Variants in DBH observed in about 807,000 individuals in gnomAD.
The protein encoded by DBH is dopamine beta-hydroxylase.
DBH carries 49 observed loss-of-function variants against 64.0 expected under a neutral mutation model. The observed-to-expected ratio is 0.77, with a 90% CI of 0.61 to 0.97. DBH has a LOEUF of 0.97. Ranked by LOEUF, DBH falls within the 50% of genes least tolerant of loss-of-function variation. The pLI, the probability that DBH is intolerant of heterozygous loss-of-function variation, is 0.00. For missense variants in DBH, 828 were observed against 826.6 expected (o/e 1.00, Z -0.02); for synonymous variants, 343 against 347.1 (o/e 0.99, Z 0.13).
At position 133,657,789 on chromosome 9, in the gene DBH, T is replaced by C. The variant is rs897462703; in HGVS notation, c.1723-527T>C. On this transcript the variant is annotated intron_variant, in intron 11 of 11. Transcript: ENST00000393056. ...GGGCTGTGGTCAGGAGGCCAGGGCC[T>C]ATGCAGAGTTAGTCGCGTAAGGTGC... Among the ~76,000 whole-genome samples, 4 of 152,298 alleles carry C rather than the reference T, an allele frequency of 2.6e-5. No individual in the cohort carries two copies. In the East Asian group the frequency reaches 7.7e-4, roughly 29 times the overall value.
intron 8 of DBH, 88 bp from the exon 9 acceptor site, chr9:133,652,850 GCA>G: frequency 1.1e-6 from 1 of 873,560 alleles, no homozygotes; most frequent in Non-Finnish European, 2.0e-6. Flanking sequence ...GCCGTGGCAT[GCA>G]CAGTGGCGTG....
rs780719813 is a variant in DBH, at chr9:133,639,936, A to G, written c.430A>G (p.Thr144Ala). 4 of 1,613,690 alleles carry G rather than the reference A, an allele frequency of 2.5e-6. No individual in the cohort carries two copies. The Admixed American group carries it at 6.7e-5, about 27-fold the overall frequency. Residue 144 changes from threonine (T) to alanine (A), a missense_variant, in exon 2 of 12, where the codon ACC (threonine) becomes GCC (alanine). Thr to Ala is a moderately conservative substitution (Grantham distance 58, BLOSUM62 0). Transcript: ENST00000393056. Reference sequence around the variant, plus strand: ...GGTGCAGAGGACCCCAGAAGGCCTGACCCTGCTTTTCAAGAGGCCCTTTGG... The same window carrying G: ...GGTGCAGAGGACCCCAGAAGGCCTGGCCCTGCTTTTCAAGAGGCCCTTTGG... ...LQVQRTPEGL[T>A]LLFKRPFGTC...
chr9:133,646,357 G>C (rs1832181365), intron 5 of DBH, among the ~76,000 whole-genome samples: 1 of 152,006 alleles, frequency 6.6e-6, no homozygotes, highest in Non-Finnish European at 1.5e-5. Context: ...TGTCCACCAT[G>C]CATCCGGGGG....
Position 133,643,314 on chromosome 9 carries a change from C to T in DBH, c.745-99C>T, listed in dbSNP as rs565519010. ...CTGAAATTGTCTGGATCATCCCTCC[C>T]ATTTTACAGATGGGCATTCGGAAGC... is the stretch of plus-strand genomic sequence containing the variant. On this transcript the variant is annotated intron_variant, in intron 3 of 11. Coordinates refer to ENST00000393056, the MANE Select transcript of DBH (RefSeq NM_000787.4). The surrounding 1 kb of genome is among the most constrained non-coding windows in gnomAD (Gnocchi z 5.3). 1 of 1,280,862 alleles carries T rather than the reference C, an allele frequency of 7.8e-7. No homozygotes were observed. The highest frequency in any genetic ancestry group is 1.5e-5 in the African/African-American group (1 of 67,082). The allele number at this position is 1,280,862 out of a possible 1,614,324, so 79.3% of individuals were successfully genotyped here.
At position 133,658,763 on chromosome 9, in the gene DBH, T is replaced by G; in HGVS notation, c.*316T>G. On this transcript the variant is annotated 3_prime_UTR_variant, in exon 12 of 12. Transcript: ENST00000393056. ...AGGGTCCAGCCCTCCGCCAGCCCTGTTCCGCCTCACTGGGTGTGGCCTGGC... is the reference window on the plus strand; with the variant it reads ...AGGGTCCAGCCCTCCGCCAGCCCTGGTCCGCCTCACTGGGTGTGGCCTGGC... 9.6e-6 allele frequency: 2 copies of G among 209,228 alleles called. No individual in the cohort carries two copies. Among genetic ancestry groups the G allele is most frequent in the Non-Finnish European group, 9.5e-6 (1 of 105,058 alleles). 13.0% of individuals were successfully genotyped at this position (209,228 alleles called of 1,614,324 possible).
intron 9 of DBH, chr9:133,654,596 A>T (rs1832291678): frequency 6.6e-6 from 1 of 152,234 alleles, no homozygotes; most frequent in Non-Finnish European, 1.5e-5. Context: ...CAGCTTTGTC[A>T]GTCCTTTATT....
Position 133,652,954 on chromosome 9 carries a change from C to T in DBH, c.1389C>T (p.Ile463=). Residue 463 remains isoleucine, a synonymous_variant, in exon 9 of 12, where the codon ATC becomes ATT. Transcript: ENST00000393056. ...VVSVHPGDVL[I]TSCTYNTEDR... ...CTTTTCCTCAGGGAGATGTGCTCAT[C>T]ACCTCCTGCACGTACAACACAGAAG... 1.2e-6 allele frequency: 2 copies of T among 1,613,596 alleles called. No individual in the cohort carries two copies. Among genetic ancestry groups the T allele is most frequent in the Non-Finnish European group, 1.7e-6 (2 of 1,179,782 alleles).
intron 2 of DBH, 124 bp from the exon 3 acceptor site, chr9:133,642,083 C>T (rs916905075): frequency 1.5e-6 from 2 of 1,367,394 alleles, no homozygotes; most frequent in Non-Finnish European, 2.0e-6. Flanking sequence ...GTCCCTTATT[C>T]ACAGAGATGA....
rs754138272 is a variant in DBH at position 133,636,725 on chromosome 9, C to T, written c.339+15C>T. On this transcript the variant is annotated intron_variant, in intron 1 of 11. Coordinates refer to ENST00000393056, the MANE Select transcript of DBH (RefSeq NM_000787.4). The stretch of plus-strand genomic sequence containing the variant: ...CCTATTTTGCGGTGAGTCTCTCCTC[C>T]CTGCCAGCTCTCCAAACCCTTCCTG... 110 of 1,596,036 alleles carry T rather than the reference C, an allele frequency of 6.9e-5. No individual in the cohort carries two copies. The highest frequency in any genetic ancestry group is 3.4e-6 in the Non-Finnish European group (4 of 1,176,934).
In DBH at chr9:133,642,175, G is replaced by A. The variant is rs1588347590; in HGVS notation, c.487-32G>A. ...GAGCCCAACTCTGGGGGCTCTGAGA[G>A]GGCGACCAGCTGAACCCTGTCTCGG... On this transcript the variant is annotated intron_variant, in intron 2 of 11. Transcript: ENST00000393056. The A allele has an allele frequency of 3.1e-6, 5 of 1,610,584 alleles. No individual in the cohort carries two copies. The East Asian group carries it at 1.1e-4, about 36-fold the overall frequency.
At position 133,647,221 on chromosome 9, in the gene DBH, G is replaced by A. The variant is rs76216095; in HGVS notation, c.1025-625G>A. ...GGACATAAATCAAAGTAGTAAAAGT[G>A]GGGGCTGCTGGGAGGATGTGCTCCT... On this transcript the variant is annotated intron_variant, in intron 5 of 11. Transcript: ENST00000393056. Among the ~76,000 whole-genome samples, 1,278 of 152,332 alleles carry A rather than the reference G, an allele frequency of 8.4e-3. 15 individuals carry two copies. Among genetic ancestry groups the A allele is most frequent in the African/African-American group, 0.03 (1,229 of 41,570 alleles).
In DBH at chr9:133,636,650, C is replaced by T. The variant is rs779789789; in HGVS notation, c.279C>T (p.Gly93=). 2.1e-5 allele frequency: 34 copies of T among 1,611,916 alleles called. No individual in the cohort carries two copies. In the Admixed American group the frequency reaches 2.8e-4, roughly 13 times the overall value. ...TCCTGTTTGGGATGTCCGACCGTGGCGAGCTTGAGAACGCAGATCTCGTGG... is the reference window on the plus strand; with the variant it reads ...TCCTGTTTGGGATGTCCGACCGTGGTGAGCTTGAGAACGCAGATCTCGTGG... ...AGVLFGMSDR[G]ELENADLVVL... The change falls in exon 1 of 12, where the codon GGC becomes GGT. Residue 93 remains glycine (G), a synonymous_variant. Transcript: ENST00000393056.
chr9:133,657,314 A>T, intron 11 of DBH, 85 bp downstream of exon 11: 6 of 1,544,512 alleles, frequency 3.9e-6, no homozygotes, highest in Non-Finnish European at 3.5e-6. Flanking sequence ...TCTGCACTCC[A>T]AACTGCTGGC....
At chr9:133,636,735 C>T (rs777283724) in intron 1 of DBH, 25 bp downstream of exon 1, 1 of 1,591,088 alleles carries the variant, frequency 6.3e-7, no homozygotes, top group Non-Finnish European at 8.5e-7. Context: ...CCTGCCAGCT[C>T]TCCAAACCCT....
Position 133,639,883 on chromosome 9 carries a change from A to G in DBH, c.377A>G (p.Asp126Gly). The change falls in exon 2 of 12, where the codon GAT becomes GGT. Residue 126 changes from aspartate to glycine, a missense_variant. By Grantham distance (94) the Asp-to-Gly change is moderately conservative. Transcript: ENST00000393056. The part of the protein sequence containing the change: ...WSDQKGQIHL[D>G]PQQDYQLLQV... ...GACCAGAAGGGGCAGATCCACCTGG[A>G]TCCCCAGCAGGACTACCAGCTGCTG... is the stretch of plus-strand genomic sequence containing the variant. 2 of 1,612,778 alleles carry G rather than the reference A, an allele frequency of 1.2e-6. No individual in the cohort carries two copies. The highest frequency in any genetic ancestry group is 1.7e-6 in the Non-Finnish European group (2 of 1,179,644).
chr9:133,656,405 G>A (rs904445855), intron 9 of DBH, 118 bp from the exon 10 acceptor site: 5 of 1,420,112 alleles, frequency 3.5e-6, no homozygotes, highest in African/African-American at 1.4e-5. Context: ...GAGCATGCCT[G>A]GCACGGTGCA....
rs753410256 is a variant in DBH at position 133,656,668 on chromosome 9, A to C, written c.1562+18A>C. Reference sequence around the variant, plus strand: ...ATCAACAGGTGAGGGCTCCCTGCACAAGCTCCCTGCCCCCAGGGAACCCCG... The same window carrying C: ...ATCAACAGGTGAGGGCTCCCTGCACCAGCTCCCTGCCCCCAGGGAACCCCG... On this transcript the variant is annotated intron_variant, in intron 10 of 11. Coordinates refer to ENST00000393056, the MANE Select transcript of DBH (RefSeq NM_000787.4). The C allele has an allele frequency of 1.2e-6, 2 of 1,610,324 alleles. No individual in the cohort carries two copies. The highest frequency in any genetic ancestry group is 1.7e-6 in the Non-Finnish European group (2 of 1,179,770).
intron 5 of DBH, among the ~76,000 whole-genome samples, chr9:133,647,348 T>C (rs1375592198): frequency 1.3e-5 from 2 of 152,196 alleles, no homozygotes; most frequent in African/African-American, 2.4e-5. Context: ...GGGAGTTCCA[T>C]GCCCTCTTCT....
intron 1 of DBH, among the ~76,000 whole-genome samples, chr9:133,638,629 T>G (rs1031865435): frequency 2.6e-5 from 4 of 151,846 alleles, no homozygotes; most frequent in African/African-American, 7.3e-5. Context: ...GAGAGTCAGG[T>G]GGAGGAGGTA....
Sources: gnomAD v4.1 joint callset for allele counts (sites outside exome capture counted in the v4.1 genomes callset) on GRCh38, gnomAD v4.1.1 for gene constraint, Gnocchi (gnomAD v3.1) non-coding constraint, MANE v1.5 for transcripts, NCBI Gene and HGNC (gene_info 2026-07-23, HGNC 2026-07-21) for gene names.